DIAPH2: variants seen among roughly 807,000 people sequenced by gnomAD.
DIAPH2 encodes protein diaphanous homolog 2.
A neutral mutation model predicts 92.7 loss-of-function variants in DIAPH2; 35 were observed. The ratio of observed to expected loss-of-function variants is 0.38; its 90% confidence interval spans 0.29 to 0.50. DIAPH2 has a LOEUF of 0.50. DIAPH2 is among the 20% of genes least tolerant of loss of function. The pLI, the probability that DIAPH2 is intolerant of heterozygous loss-of-function variation, is 0.94. For missense variants in DIAPH2, 701 were observed against 819.5 expected, an observed-to-expected ratio of 0.86 and a Z score of 1.77; for synonymous variants, 301 against 280.4, an observed-to-expected ratio of 1.07 and a Z score of -0.73.
At chrX:97,207,284 A>G (rs181680581) in intron 22 of DIAPH2, among the ~76,000 whole-genome samples, 5 of 112,156 alleles carry the variant, frequency 4.5e-5, no homozygotes, top group East Asian at 2.8e-4. Flanking sequence ...ACAGCGTTCA[A>G]TTGAAGCACT....
chrX:97,553,512 G>A (rs780127169), intron 26 of DIAPH2, among the ~76,000 whole-genome samples: 3 of 110,933 alleles, frequency 2.7e-5, no homozygotes, highest in Non-Finnish European at 5.7e-5. Flanking sequence ...ATATGCAGCA[G>A]TTGTTTAAAC....
intron 4 of DIAPH2, among the ~76,000 whole-genome samples, chrX:96,800,256 C>CG (rs2147648081): frequency 1.6e-5 from 1 of 60,607 alleles, no homozygotes; most frequent in Non-Finnish European, 2.7e-5. Flanking sequence ...TCACAAGATA[C>CG]ATTTTTTTTT....
intron 4 of DIAPH2, among the ~76,000 whole-genome samples, chrX:96,811,988 T>G (rs888116551): frequency 1.8e-5 from 2 of 111,543 alleles, no homozygotes; most frequent in East Asian, 2.8e-4. Context: ...TCTCTTTTTT[T>G]GTTGTGTCTC....
intron 4 of DIAPH2, among the ~76,000 whole-genome samples, chrX:96,877,071 T>C (rs1354916039): frequency 9.0e-6 from 1 of 111,649 alleles, no homozygotes; most frequent in Non-Finnish European, 1.9e-5. Flanking sequence ...AGAAGCCATC[T>C]AAAGGTTCTG....
In DIAPH2 at chrX:96,958,602, G is replaced by A. The variant is rs955930181; in HGVS notation, c.1935+454G>A. Among the ~76,000 whole-genome samples, 7 of 111,428 alleles carry A rather than the reference G, an allele frequency of 6.3e-5. No homozygotes were observed. The Admixed American group carries it at 6.7e-4, about 11-fold the overall frequency. Reference sequence around the variant, plus strand: ...GAGAACATTCAGATCTTCTCTTCTAGTTATTTTGAAATATACAACATATTG... The same window carrying A: ...GAGAACATTCAGATCTTCTCTTCTAATTATTTTGAAATATACAACATATTG... On this transcript the variant is annotated intron_variant, in intron 16 of 26. Coordinates refer to ENST00000324765, the MANE Select transcript of DIAPH2 (RefSeq NM_006729.5).
chrX:97,510,769 C>G (rs908280950), intron 26 of DIAPH2, among the ~76,000 whole-genome samples: 2 of 95,191 alleles, frequency 2.1e-5, no homozygotes, highest in Non-Finnish European at 4.3e-5. Context: ...AATAGGGAAT[C>G]CTTTCCCCAT....
chrX:97,471,690 C>CAAAAAA (rs34891772), intron 26 of DIAPH2, among the ~76,000 whole-genome samples: 4 of 44,940 alleles, frequency 8.9e-5, no homozygotes, highest in Admixed American at 3.6e-4. Context: ...AAATCCGTCT[C>CAAAAAA]AAAAAAAAAA....
At chrX:97,173,268 C>T (rs1008969525) in intron 22 of DIAPH2, among the ~76,000 whole-genome samples, 4 of 111,303 alleles carry the variant, frequency 3.6e-5, no homozygotes, top group African/African-American at 9.8e-5. Flanking sequence ...TGGCGTGGGC[C>T]GGTAGTCCCA....
chrX:97,481,694 A>T (rs1447855632), intron 26 of DIAPH2, among the ~76,000 whole-genome samples: 1 of 111,280 alleles, frequency 9.0e-6, no homozygotes, highest in Admixed American at 9.6e-5. Flanking sequence ...AGGAATTATA[A>T]TTCATACTCT....
intron 17 of DIAPH2, among the ~76,000 whole-genome samples, chrX:96,966,010 C>T (rs2065891493): frequency 9.0e-6 from 1 of 111,487 alleles, no homozygotes; most frequent in Non-Finnish European, 1.9e-5. Flanking sequence ...GGAATTAGCA[C>T]CTTTATCATT....
intron 5 of DIAPH2, among the ~76,000 whole-genome samples, chrX:96,889,083 A>T (rs748991133): frequency 1.8e-5 from 2 of 112,115 alleles, no homozygotes; most frequent in Admixed American, 1.9e-4. Flanking sequence ...TGTGTAGAAG[A>T]TAATATAAAA....
chrX:97,061,687 G>A (rs2066598828), intron 17 of DIAPH2, among the ~76,000 whole-genome samples: 1 of 108,219 alleles, frequency 9.2e-6, no homozygotes, highest in Non-Finnish European at 1.9e-5. Context: ...GGTGGAGCAC[G>A]CCTGTAATCC....
chrX:96,734,430 T>A (rs1355453596), intron 1 of DIAPH2, among the ~76,000 whole-genome samples: 1 of 111,980 alleles, frequency 8.9e-6, no homozygotes, highest in Non-Finnish European at 1.9e-5. Context: ...TTGCAGGAAA[T>A]CATGAAATTG....
In DIAPH2 at chrX:97,537,118, G is replaced by T. The variant is rs188186848; in HGVS notation, c.3242-62135G>T. Among the ~76,000 whole-genome samples, 896 of 111,545 alleles carry T rather than the reference G, an allele frequency of 8.0e-3. 13 individuals are homozygous for T. Among genetic ancestry groups the T allele is most frequent in the African/African-American group, 0.028 (846 of 30,701 alleles). ...AGCATTAAGGGCAGAAAAAGTATTT[G>T]AATTGGGCCCTAAATGAATGCAGGA... is the stretch of plus-strand genomic sequence containing the variant. On this transcript the variant is annotated intron_variant, in intron 26 of 26. Coordinates refer to ENST00000324765, the MANE Select transcript of DIAPH2 (RefSeq NM_006729.5).
chrX:96,820,139 A>G (rs1054317865), intron 4 of DIAPH2, among the ~76,000 whole-genome samples: 3 of 112,298 alleles, frequency 2.7e-5, no homozygotes, highest in African/African-American at 6.5e-5. Flanking sequence ...CAAGAATTCA[A>G]GAATATGAGT....
intron 24 of DIAPH2, among the ~76,000 whole-genome samples, chrX:97,351,384 A>C (rs973835780): frequency 8.9e-6 from 1 of 112,185 alleles, no homozygotes; most frequent in Non-Finnish European, 1.9e-5. Flanking sequence ...GTTTCTCTCT[A>C]TCCATGAGTG....
intron 26 of DIAPH2, among the ~76,000 whole-genome samples, chrX:97,439,740 C>A (rs1195406406): frequency 1.2e-5 from 1 of 84,503 alleles, no homozygotes; most frequent in Non-Finnish European, 2.2e-5. Flanking sequence ...GAGCCAGACT[C>A]TGTCTCAAAA....
In DIAPH2 at chrX:96,948,943, A is replaced by T. The variant is rs753688053; in HGVS notation, c.1518A>T (p.Glu506Asp). ...KAAEFSKKFD[E>D]EFTARQEAQA... The stretch of plus-strand genomic sequence containing the variant: ...GATGGTGATCATTGCAGTTCGATGA[A>T]GAATTCACAGCTCGACAGGAAGCTC... Residue 506 changes from glutamate to aspartate, a missense_variant, in exon 15 of 27, where the codon GAA (glutamate) becomes GAT (aspartate). Glu to Asp is a conservative substitution (Grantham distance 45). Transcript: ENST00000324765. 17 of 1,190,247 alleles carry T rather than the reference A, an allele frequency of 1.4e-5. No homozygotes were observed. The highest frequency in any genetic ancestry group is 1.9e-5 in the Non-Finnish European group (17 of 880,885).
At chrX:96,888,581 C>T (rs867013334) in intron 5 of DIAPH2, among the ~76,000 whole-genome samples, 1 of 92,046 alleles carries the variant, frequency 1.1e-5, no homozygotes, top group African/African-American at 4.0e-5. Context: ...ATATATATAT[C>T]TATATATATA....
Sources: allele counts gnomAD v4.1 joint callset (sites outside exome capture counted in the v4.1 genomes callset), GRCh38; gene constraint gnomAD v4.1.1; transcripts MANE v1.5; gene names NCBI Gene and HGNC (gene_info 2026-07-23, HGNC 2026-07-21).